The following LNX2 variants were observed in gnomAD, a reference collection of about 807,000 sequenced individuals.
The protein encoded by LNX2 is ligand of Numb protein X 2.
In LNX2, 35 loss-of-function variants were observed where a neutral mutation model predicts 66.2. The ratio of observed to expected loss-of-function variants is 0.53; its 90% confidence interval spans 0.40 to 0.70. The LOEUF is 0.70. Among genes scored for constraint, LNX2 ranks in the 30% least tolerant of loss-of-function variants. LNX2 has a pLI of 0.00. For synonymous variants in LNX2, 337 were observed against 315.6 expected, an observed-to-expected ratio of 1.07 and a Z score of -0.72; for missense variants, 791 against 850.8, an observed-to-expected ratio of 0.93 and a Z score of 0.87.
At chr13:27,570,214 G>A (rs1322849198) in intron 2 of LNX2, among the ~76,000 whole-genome samples, 3 of 152,118 alleles carry the variant, frequency 2.0e-5, no homozygotes, top group Admixed American at 1.3e-4. Flanking sequence ...GGCCTACCAC[G>A]ACTCTACGGA....
At chr13:27,553,517 G>T in intron 7 of LNX2, 78 bp from the exon 8 acceptor site, 1 of 1,084,246 alleles carries the variant, frequency 9.2e-7, no homozygotes, top group Non-Finnish European at 1.4e-6. Context: ...TATAAACTAA[G>T]CAACAAAAGT....
chr13:27,593,798 G>A (rs909949118), intron 1 of LNX2, among the ~76,000 whole-genome samples: 4 of 138,230 alleles, frequency 2.9e-5, no homozygotes, highest in African/African-American at 8.1e-5. Flanking sequence ...GTTTCACCTT[G>A]TTGGTCAGGC....
intron 1 of LNX2, among the ~76,000 whole-genome samples, chr13:27,583,241 T>TGCGCGCGCGCGCGC (rs1456101243): frequency 4.9e-5 from 1 of 20,544 alleles, no homozygotes; most frequent in Non-Finnish European, 8.9e-5. Context: ...TGTGTGTGTG[T>TGCGCGCGCGCGCGC]GTGTGTGTGT....
chr13:27,565,507 C>G (rs1818094422), intron 4 of LNX2, among the ~76,000 whole-genome samples: 1 of 152,116 alleles, frequency 6.6e-6, no homozygotes, highest in African/African-American at 2.4e-5. Context: ...TCGCTCTCTG[C>G]AAAATCAAGT....
intron 1 of LNX2, among the ~76,000 whole-genome samples, chr13:27,595,071 T>C (rs1289954826): frequency 2.0e-5 from 3 of 152,160 alleles, no homozygotes; most frequent in African/African-American, 7.2e-5. Flanking sequence ...CTGACTCTAG[T>C]TTCACTTTCT....
At chr13:27,564,214 G>A (rs1260222725) in intron 4 of LNX2, among the ~76,000 whole-genome samples, 1 of 152,152 alleles carries the variant, frequency 6.6e-6, no homozygotes, top group Non-Finnish European at 1.5e-5. Flanking sequence ...AAGCAGGCTG[G>A]GGAATATTCT....
intron 6 of LNX2, 132 bp downstream of exon 6, chr13:27,559,710 A>G (rs1236582392): frequency 2.4e-6 from 2 of 846,616 alleles, no homozygotes; most frequent in Admixed American, 6.2e-5. Flanking sequence ...AACAACCCTC[A>G]TTTGAATCTT....
At chr13:27,551,119 CT>C (rs1226331273) in intron 8 of LNX2, among the ~76,000 whole-genome samples, 1 of 151,238 alleles carries the variant, frequency 6.6e-6, no homozygotes, top group Non-Finnish European at 1.5e-5. Flanking sequence ...AAATCTTTTT[CT>C]TTTTTTTTCT....
intron 1 of LNX2, among the ~76,000 whole-genome samples, chr13:27,583,207 T>TGCGCGCGCGCGCGC (rs1566124662): frequency 8.2e-5 from 2 of 24,300 alleles, no homozygotes; most frequent in African/African-American, 3.8e-4. Flanking sequence ...TGTGTGTGTG[T>TGCGCGCGCGCGCGC]GTGTGTGTGT....
At position 27,548,185 on chromosome 13, in the gene LNX2, T is replaced by C; in HGVS notation, c.*150A>G. On this transcript the variant is annotated 3_prime_UTR_variant, in exon 10 of 10. Coordinates refer to ENST00000316334, the MANE Select transcript of LNX2 (RefSeq NM_153371.4). ...TAACTAACTTAGGAAACCATTTAAATAAACATAAACGGACAATCTTAGTGG... is the reference window on the plus strand; with the variant it reads ...TAACTAACTTAGGAAACCATTTAAACAAACATAAACGGACAATCTTAGTGG... 4.8e-6 allele frequency: 3 copies of C among 631,404 alleles called. No individual in the cohort carries two copies. The South Asian group carries it at 6.7e-5, about 14-fold the overall frequency. The allele number at this position is 631,404 out of a possible 1,614,324, so 39.1% of individuals were successfully genotyped here.
intron 2 of LNX2, among the ~76,000 whole-genome samples, chr13:27,575,896 T>C (rs903385368): frequency 6.6e-5 from 10 of 152,076 alleles, no homozygotes; most frequent in African/African-American, 2.4e-4. Flanking sequence ...ATTAAAAATA[T>C]TTAACACAAA....
At chr13:27,575,799 A>C (rs1012566965) in intron 2 of LNX2, among the ~76,000 whole-genome samples, 3 of 152,228 alleles carry the variant, frequency 2.0e-5, no homozygotes, top group Non-Finnish European at 2.9e-5. Context: ...AGACTGCTAT[A>C]AACTAGGATG....
chr13:27,597,546 G>C (rs1409978347), intron 1 of LNX2, among the ~76,000 whole-genome samples: 10 of 152,144 alleles, frequency 6.6e-5, no homozygotes, highest in Non-Finnish European at 1.3e-4. Context: ...GGCTGGACTA[G>C]GTACAGAGAG....
intron 1 of LNX2, among the ~76,000 whole-genome samples, chr13:27,616,254 G>A (rs183984292): frequency 4.0e-4 from 61 of 152,144 alleles, no homozygotes; most frequent in African/African-American, 1.4e-3. Context: ...GTTGACAGTC[G>A]GTTGAGTTTG....
intron 6 of LNX2, among the ~76,000 whole-genome samples, chr13:27,558,769 T>C (rs563215810): frequency 6.6e-6 from 1 of 152,246 alleles, no homozygotes; most frequent in East Asian, 1.9e-4. Flanking sequence ...AGTCTGTGAT[T>C]ATAATTTCTT....
intron 1 of LNX2, among the ~76,000 whole-genome samples, chr13:27,598,483 T>C (rs369396656): frequency 7.0e-4 from 106 of 152,214 alleles, no homozygotes; most frequent in African/African-American, 2.2e-3. Context: ...AAGGAATAGA[T>C]TGGGAGAGGG....
chr13:27,576,805 A>G (rs535906814), intron 2 of LNX2, among the ~76,000 whole-genome samples: 1 of 152,302 alleles, frequency 6.6e-6, no homozygotes, highest in East Asian at 1.9e-4. Context: ...CATTGCAATT[A>G]ATTCCAAATG....
At chr13:27,578,622 T>C (rs1358431101) in intron 2 of LNX2, among the ~76,000 whole-genome samples, 1 of 152,190 alleles carries the variant, frequency 6.6e-6, no homozygotes, top group South Asian at 2.1e-4. Context: ...TGCAGCCTAC[T>C]AGACACTGAA....
chr13:27,603,838 A>ATG (rs915385341), intron 1 of LNX2, among the ~76,000 whole-genome samples: 10 of 151,910 alleles, frequency 6.6e-5, no homozygotes, highest in African/African-American at 2.4e-4. Flanking sequence ...AATGACTATT[A>ATG]TGTATTCCAC....
Sources: gnomAD v4.1 joint callset for allele counts (sites outside exome capture counted in the v4.1 genomes callset) on GRCh38, gnomAD v4.1.1 for gene constraint, MANE v1.5 for transcripts, NCBI Gene and HGNC (gene_info 2026-07-23, HGNC 2026-07-21) for gene names.